Variants in POU2AF3 observed in about 807,000 individuals in gnomAD.
POU2AF3 encodes the protein POU class 2 homeobox associating factor 3.
chr11:111,298,866 A>C, the POU2AF3 span: 1 of 662,902 alleles, frequency 1.5e-6, no homozygotes, highest in Non-Finnish European at 2.0e-6. Flanking sequence ...TTGTGTCCTG[A>C]GACACGCGGT....
At chr11:111,299,924 G>C in the POU2AF3 span, 23 of 422,060 alleles carry the variant, frequency 5.4e-5, no homozygotes, top group East Asian at 5.7e-4. Flanking sequence ...GGCCCAGGAC[G>C]GGGCTGGCCA....
chr11:111,299,337 C>G, the POU2AF3 span: 1 of 989,290 alleles, frequency 1.0e-6, no homozygotes, highest in South Asian at 4.7e-5. Flanking sequence ...TGGACGCACA[C>G]TGCAGGGTAG....
At chr11:111,300,589 A>T in the POU2AF3 span, 1 of 1,232,046 alleles carries the variant, frequency 8.1e-7, no homozygotes, top group Non-Finnish European at 1.0e-6. Context: ...GCTGCAGCAA[A>T]GACGGGCACA....
the POU2AF3 span, chr11:111,305,089 T>C: frequency 1.7e-6 from 1 of 590,958 alleles, no homozygotes; most frequent in Admixed American, 4.4e-5. Flanking sequence ...ACCATTTAAT[T>C]GGAATCCAAC....
At chr11:111,308,517 A>C in the POU2AF3 span, 5 of 1,344,962 alleles carry the variant, frequency 3.7e-6, no homozygotes, top group Middle Eastern at 2.2e-4. Context: ...AAAATATGCA[A>C]CTTGGTAACA....
the POU2AF3 span, among the ~76,000 whole-genome samples, chr11:111,303,953 G>T: frequency 2.0e-5 from 3 of 151,016 alleles, no homozygotes; most frequent in Non-Finnish European, 4.4e-5. Flanking sequence ...GAAAAATGCA[G>T]GCTGCTTTAC....
At chr11:111,306,640 C>A in the POU2AF3 span, 1 of 1,516,036 alleles carries the variant, frequency 6.6e-7, no homozygotes. Flanking sequence ...TTTCTCAGTT[C>A]TTTATATACC....
At chr11:111,299,420 C>T in the POU2AF3 span, 1 of 1,020,712 alleles carries the variant, frequency 9.8e-7, no homozygotes, top group Non-Finnish European at 1.2e-6. Flanking sequence ...TCGGCTTGGC[C>T]TAACAGCCAG....
chr11:111,308,522 G>T, the POU2AF3 span: 2 of 1,332,332 alleles, frequency 1.5e-6, no homozygotes, highest in South Asian at 1.5e-5. Context: ...ATGCAACTTG[G>T]TAACACAATA....
At chr11:111,305,600 C>G in the POU2AF3 span, among the ~76,000 whole-genome samples, 1 of 152,336 alleles carries the variant, frequency 6.6e-6, no homozygotes, top group Admixed American at 6.5e-5. Flanking sequence ...CTTGAGACCT[C>G]AAGAAGAACA....
the POU2AF3 span, chr11:111,306,504 T>C: frequency 1.3e-6 from 2 of 1,541,718 alleles, no homozygotes; most frequent in African/African-American, 1.4e-5. Flanking sequence ...CGACCAGATC[T>C]TTGATTCCTA....
chr11:111,301,770 T>C, the POU2AF3 span, among the ~76,000 whole-genome samples: 1 of 152,226 alleles, frequency 6.6e-6, no homozygotes, highest in Non-Finnish European at 1.5e-5. Context: ...AGAAGAATGC[T>C]TTCCACATAG....
the POU2AF3 span, among the ~76,000 whole-genome samples, chr11:111,301,807 A>AT: frequency 6.6e-6 from 1 of 152,252 alleles, no homozygotes; most frequent in Non-Finnish European, 1.5e-5. Context: ...GTTAGTTGTC[A>AT]TTATTTGAGA....
chr11:111,307,989 A>AC, the POU2AF3 span: 664 of 1,344,888 alleles, frequency 4.9e-4, 3 homozygotes, highest in African/African-American at 8.9e-3. Context: ...CTCACTCTGC[A>AC]TTGGTAAACC....
chr11:111,308,067 A>G, the POU2AF3 span: 1 of 1,488,486 alleles, frequency 6.7e-7, no homozygotes, highest in Middle Eastern at 1.8e-4. Context: ...TCATTTCTCT[A>G]GATCCCAGGA....
the POU2AF3 span, chr11:111,300,380 T>C: frequency 2.7e-6 from 1 of 370,648 alleles, no homozygotes; most frequent in Non-Finnish European, 4.8e-6. Flanking sequence ...AATGTTTGGG[T>C]TTTTACCATC....
chr11:111,298,625 G>A, the POU2AF3 span: 5 of 1,246,218 alleles, frequency 4.0e-6, no homozygotes, highest in Non-Finnish European at 5.1e-6. Flanking sequence ...GGGTCAGGCG[G>A]GCCAGGGGCA....
the POU2AF3 span, chr11:111,308,550 A>T: frequency 1.8e-5 from 21 of 1,165,942 alleles, no homozygotes; most frequent in Non-Finnish European, 2.5e-5. Flanking sequence ...CACAGTTTAC[A>T]TGTCACTATT....
the POU2AF3 span, chr11:111,298,802 G>A: frequency 7.5e-6 from 9 of 1,202,688 alleles, no homozygotes; most frequent in Non-Finnish European, 9.3e-6. Context: ...CGAGTTGGCC[G>A]CTCCGGACGT....
Sources: gnomAD v4.1 joint callset for allele counts (sites outside exome capture counted in the v4.1 genomes callset) on GRCh38, gnomAD v4.1.1 for gene constraint, MANE v1.5 for transcripts, NCBI Gene and HGNC (gene_info 2026-07-23, HGNC 2026-07-21) for gene names.